Variants in EPC2 observed in about 807,000 individuals in gnomAD.
EPC2 encodes the protein enhancer of polycomb homolog 2.
Under a neutral mutation model 92.1 loss-of-function variants are expected in EPC2, and 14 were observed. The ratio of observed to expected loss-of-function variants is 0.15; its 90% confidence interval spans 0.10 to 0.24. EPC2 has a LOEUF of 0.24. Among genes scored for constraint, EPC2 ranks in the 10% least tolerant of loss-of-function variants. The pLI is 1.00. For synonymous variants in EPC2, 340 were observed against 334.7 expected (o/e 1.02, Z -0.17); for missense variants, 755 against 971.5 (o/e 0.78, Z 2.96).
chr2:148,751,700 T>C (rs929155216), intron 3 of EPC2, among the ~76,000 whole-genome samples: 1 of 152,130 alleles, frequency 6.6e-6, no homozygotes, highest in African/African-American at 2.4e-5. Flanking sequence ...ATTTTGCAGA[T>C]TTTTAATCAT....
chr2:148,733,479 A>ATTTTTTTTT lies in EPC2; in HGVS notation c.314-10115_314-10107dup, dbSNP rs34219179. Among the ~76,000 whole-genome samples, 12 of 26,680 alleles carry ATTTTTTTTT rather than the reference A, an allele frequency of 4.5e-4. 3 individuals carry two copies. Among genetic ancestry groups the ATTTTTTTTT allele is most frequent in the South Asian group, 3.7e-3 (2 of 540 alleles). 17.5% of individuals were successfully genotyped at this position (26,680 alleles called of 152,430 possible). On this transcript the variant is annotated intron_variant, in intron 2 of 13. Coordinates refer to ENST00000258484, the MANE Select transcript of EPC2 (RefSeq NM_015630.4). The stretch of plus-strand genomic sequence containing the variant: ...CTTTCTCTTTTCTTTCTCTCTCTGG[A>ATTTTTTTTT]TTTTTTTTTTTTTTTTTTTTTTTTT...
intron 1 of EPC2, among the ~76,000 whole-genome samples, chr2:148,676,912 A>G (rs1469285588): frequency 1.3e-5 from 2 of 151,804 alleles, no homozygotes; most frequent in Admixed American, 6.6e-5. Context: ...TTGGTGGGTC[A>G]AAGGGATACC....
chr2:148,710,325 CAGTCATTGAAA>C (rs1351947188), intron 2 of EPC2, among the ~76,000 whole-genome samples: 4 of 152,170 alleles, frequency 2.6e-5, no homozygotes, highest in Admixed American at 6.5e-5. Flanking sequence ...GTTAGAATGG[CAGTCATTGAAA>C]AGTCAGGAAA....
chr2:148,663,981 C>A (rs145700365), intron 1 of EPC2, among the ~76,000 whole-genome samples: 24 of 152,098 alleles, frequency 1.6e-4, no homozygotes, highest in African/African-American at 5.8e-4. Context: ...GAGTTGGAGA[C>A]CCCTGCTATA....
At chr2:148,775,541 G>A (rs982670615) in intron 10 of EPC2, among the ~76,000 whole-genome samples, 57 of 148,904 alleles carry the variant, frequency 3.8e-4, no homozygotes, top group African/African-American at 1.3e-3. Flanking sequence ...TTTCTTACCT[G>A]TCATAATATA....
At chr2:148,700,362 T>C (rs919463347) in intron 2 of EPC2, among the ~76,000 whole-genome samples, 1 of 152,208 alleles carries the variant, frequency 6.6e-6, no homozygotes, top group African/African-American at 2.4e-5. Flanking sequence ...CTGCATTTTA[T>C]ATGTAGATCT....
intron 1 of EPC2, among the ~76,000 whole-genome samples, chr2:148,652,580 A>G (rs1215788523): frequency 6.6e-6 from 1 of 152,326 alleles, no homozygotes; most frequent in East Asian, 1.9e-4. Flanking sequence ...AGTGACCTTT[A>G]AAGTACCTTT....
At chr2:148,742,984 A>T (rs1682907759) in intron 2 of EPC2, among the ~76,000 whole-genome samples, 1 of 152,118 alleles carries the variant, frequency 6.6e-6, no homozygotes, top group South Asian at 2.1e-4. Context: ...GTAGAAATTT[A>T]AAAAGTTTAT....
At chr2:148,671,776 C>G (rs1447127030) in intron 1 of EPC2, among the ~76,000 whole-genome samples, 2 of 152,230 alleles carry the variant, frequency 1.3e-5, no homozygotes, top group Admixed American at 6.5e-5. Context: ...AGTAAGCTCA[C>G]AAAAATTCAG....
intron 11 of EPC2, among the ~76,000 whole-genome samples, chr2:148,783,146 G>C (rs1286421906): frequency 6.6e-6 from 1 of 152,148 alleles, no homozygotes. Flanking sequence ...AGGAGGAATG[G>C]CCATTTAACT....
intron 10 of EPC2, among the ~76,000 whole-genome samples, chr2:148,774,200 T>A (rs1437515796): frequency 6.6e-6 from 1 of 152,194 alleles, no homozygotes; most frequent in East Asian, 1.9e-4. Flanking sequence ...ACCAGTTCCT[T>A]AGTTCTTAAA....
chr2:148,695,855 A>G (rs1214895922), intron 2 of EPC2, among the ~76,000 whole-genome samples: 6 of 152,274 alleles, frequency 3.9e-5, no homozygotes, highest in Non-Finnish European at 7.3e-5. Context: ...TGGTAAAACA[A>G]TGCCATGGGT....
intron 1 of EPC2, among the ~76,000 whole-genome samples, chr2:148,661,280 C>T (rs535414986): frequency 4.1e-4 from 62 of 152,204 alleles, no homozygotes; most frequent in Admixed American, 2.7e-3. Context: ...GAGCTTATGC[C>T]TAGGAATCTC....
intron 3 of EPC2, among the ~76,000 whole-genome samples, chr2:148,749,482 T>G (rs1683046779): frequency 6.9e-6 from 1 of 144,466 alleles, no homozygotes; most frequent in Non-Finnish European, 1.6e-5. Flanking sequence ...ATCATCGGTT[T>G]TTTTTTTTTT....
chr2:148,657,543 G>A (rs1680827880), intron 1 of EPC2, among the ~76,000 whole-genome samples: 1 of 152,012 alleles, frequency 6.6e-6, no homozygotes, highest in Non-Finnish European at 1.5e-5. Context: ...TTTTTAAGAA[G>A]TTCCCAGGTG....
At chr2:148,673,248 A>T (rs879276680) in intron 1 of EPC2, among the ~76,000 whole-genome samples, 2 of 152,004 alleles carry the variant, frequency 1.3e-5, no homozygotes, top group African/African-American at 4.8e-5. Flanking sequence ...GATTTGGGAA[A>T]TTTTTGCCAT....
rs1342434419 is a variant in EPC2 at position 148,786,697 on chromosome 2, G to A, written c.*320G>A. ...TTTAATGGGATCATGAGCATGAAAT[G>A]GGATCCTGCATCACTTGTTTTAACT... On this transcript the variant is annotated 3_prime_UTR_variant, in exon 14 of 14. Coordinates refer to ENST00000258484, the MANE Select transcript of EPC2 (RefSeq NM_015630.4). 1 of 185,486 alleles carries A rather than the reference G, an allele frequency of 5.4e-6. No individual in the cohort carries two copies. Among genetic ancestry groups the A allele is most frequent in the African/African-American group, 2.3e-5 (1 of 42,654 alleles). The allele number at this position is 185,486 out of a possible 1,614,324, so 11.5% of individuals were successfully genotyped here. A position where few individuals can be genotyped will look rare whatever the true frequency, so the allele number is the denominator to read the frequency against.
intron 2 of EPC2, among the ~76,000 whole-genome samples, chr2:148,722,859 T>C (rs1420492102): frequency 6.6e-6 from 1 of 152,202 alleles, no homozygotes; most frequent in African/African-American, 2.4e-5. Context: ...AACGAGATCA[T>C]GTCCTTTGCA....
At chr2:148,661,696 TATGTA>T (rs1680938504) in intron 1 of EPC2, among the ~76,000 whole-genome samples, 1 of 102,658 alleles carries the variant, frequency 9.7e-6, no homozygotes, top group African/African-American at 3.1e-5. Context: ...ATACATATAT[TATGTA>T]ATACATAAAA....
Sources: gnomAD v4.1 joint callset for allele counts (sites outside exome capture counted in the v4.1 genomes callset) on GRCh38, gnomAD v4.1.1 for gene constraint, MANE v1.5 for transcripts, NCBI Gene and HGNC (gene_info 2026-07-23, HGNC 2026-07-21) for gene names.